Variants in CNGA2 observed in about 807,000 individuals in gnomAD.
The protein encoded by CNGA2 is cyclic nucleotide gated channel subunit alpha 2, also known as cyclic nucleotide-gated channel alpha-2.
CNGA2 carries 22 observed loss-of-function variants against 35.9 expected under a neutral mutation model. The observed-to-expected ratio is 0.61, with a 90% confidence interval of 0.44 to 0.88. The LOEUF is 0.88. CNGA2 is among the 40% of genes least tolerant of loss of function. The probability of loss-of-function intolerance (pLI) is 0.00; values close to 1 mark genes in which losing one functional copy is unlikely to be tolerated. For missense variants in CNGA2, 555 were observed against 530.8 expected (o/e 1.05, Z -0.45); for synonymous variants, 217 against 209.2 (o/e 1.04, Z -0.32).
chrX:151,742,959 T>TATACATAC (rs1569428297), intron 6 of CNGA2, 134 bp from the exon 7 acceptor site: 7 of 75,254 alleles, frequency 9.3e-5, no homozygotes, highest in Non-Finnish European at 1.2e-4. Context: ...TATATATATA[T>TATACATAC]GTATATATAT....
At chrX:151,742,731 C>T (rs2015318487) in intron 6 of CNGA2, 89 bp downstream of exon 6, 5 of 649,357 alleles carry the variant, frequency 7.7e-6, no homozygotes, top group Non-Finnish European at 9.8e-6. Flanking sequence ...GACTAAATTG[C>T]TTGGGTGGGA....
At chrX:151,742,804 C>T (rs1183807304) in intron 6 of CNGA2, among the ~76,000 whole-genome samples, 162 bp downstream of exon 6, 1 of 100,874 alleles carries the variant, frequency 9.9e-6, no homozygotes, top group Non-Finnish European at 2.0e-5. Flanking sequence ...AGGTTTTGAT[C>T]TCGGGGTGTT....
chrX:151,744,394 C>T lies in CNGA2; in HGVS notation c.1891C>T (p.Gln631Ter), dbSNP rs138926894. Reference sequence around the variant, plus strand: ...CACGGGGGCCCAGCAGAAGCTCAAGCAGCGCATCACAGTTCTGGAAACCAA... The same window carrying T: ...CACGGGGGCCCAGCAGAAGCTCAAGTAGCGCATCACAGTTCTGGAAACCAA... Reference protein sequence around the residue: ...EYTGAQQKLKQRITVLETKMK... With the variant: ...EYTGAQQKLK The change falls in exon 7 of 7, where the codon CAG (glutamine) becomes TAG (stop). Residue 631 changes from glutamine to a stop codon, truncating the protein, a stop_gained. Transcript: ENST00000329903. LOFTEE classifies it high-confidence loss of function. 58 of 1,208,474 alleles carry T rather than the reference C, an allele frequency of 4.8e-5. No individual in the cohort carries two copies. The highest frequency in any genetic ancestry group is 6.4e-5 in the Non-Finnish European group (57 of 894,743).
At position 151,744,229 on chromosome X, in the gene CNGA2, G is replaced by T; in HGVS notation, c.1726G>T (p.Glu576Ter). ...AKKVLEERGR[E>*]ILMKEGLLDE... ...GAAAGTCCTAGAAGAGAGGGGTCGG[G>T]AGATCCTCATGAAGGAGGGACTGCT... The change falls in exon 7 of 7, where the codon GAG becomes TAG. Residue 576 changes from glutamate (E) to a stop codon, truncating the protein, a stop_gained. Transcript: ENST00000329903. LOFTEE classifies it high-confidence loss of function. The T allele has an allele frequency of 8.3e-7, 1 of 1,210,919 alleles. No individual in the cohort carries two copies. Among genetic ancestry groups the T allele is most frequent in the Non-Finnish European group, 1.1e-6 (1 of 895,382 alleles).
At chrX:151,740,968 C>A in intron 5 of CNGA2, 67 bp downstream of exon 5, 2 of 814,611 alleles carry the variant, frequency 2.5e-6, no homozygotes, top group Non-Finnish European at 3.7e-6. Context: ...GGATTGACGG[C>A]GCAGCAGTCC....
In CNGA2 at chrX:151,738,538, C is replaced by A; in HGVS notation, c.55C>A (p.His19Asn). 1.7e-6 allele frequency: 2 copies of A among 1,211,766 alleles called. No homozygotes were observed. Among genetic ancestry groups the A allele is most frequent in the Admixed American group, 4.3e-5 (2 of 46,065 alleles). The change falls in exon 2 of 7, where the codon CAT (histidine) becomes AAT (asparagine). Residue 19 changes from histidine (H) to asparagine (N), a missense_variant. Transcript: ENST00000329903. Reference protein sequence around the residue: ...KSSPANNHNHHAPPAIKANGK... With the variant: ...KSSPANNHNHNAPPAIKANGK... ...CTCCCCAGCCAATAATCACAACCAT[C>A]ATGCACCTCCTGCCATCAAGGCCAA...
rs185584985 is a variant in CNGA2 at position 151,744,045 on chromosome X, G to A, written c.1542G>A (p.Ser514=). 6 of 1,209,145 alleles carry A rather than the reference G, an allele frequency of 5.0e-6. No individual in the cohort carries two copies. The highest frequency in any genetic ancestry group is 2.2e-5 in the Admixed American group (1 of 45,622). ...GTGTGACTCAGTATGCTCTGCTGTCGGCTGGAAGCTGCTTTGGCGAGATCA... is the reference window on the plus strand; with the variant it reads ...GTGTGACTCAGTATGCTCTGCTGTCAGCTGGAAGCTGCTTTGGCGAGATCA... ...DDGVTQYALL[S]AGSCFGEISI... The change falls in exon 7 of 7, where the codon TCG becomes TCA. Residue 514 remains serine, a synonymous_variant. Coordinates refer to ENST00000329903, the MANE Select transcript of CNGA2 (RefSeq NM_005140.3).
In CNGA2 at chrX:151,744,026, C is replaced by T. The variant is rs768843324; in HGVS notation, c.1523C>T (p.Thr508Ile). The T allele has an allele frequency of 2.0e-5, 24 of 1,209,199 alleles. No homozygotes were observed. The highest frequency in any genetic ancestry group is 1.3e-5 in the Non-Finnish European group (12 of 895,111). The change falls in exon 7 of 7, where the codon ACT becomes ATT. Residue 508 changes from threonine (T) to isoleucine (I), a missense_variant. Thr to Ile is a moderately conservative substitution (Grantham distance 89, BLOSUM62 -1). Transcript: ENST00000329903. The part of the protein sequence containing the change: ...KLAVVADDGV[T>I]QYALLSAGSC... ...GCAGTGGTGGCTGATGATGGTGTGA[C>T]TCAGTATGCTCTGCTGTCGGCTGGA...
chrX:151,743,956 G>C lies in CNGA2; in HGVS notation c.1453G>C (p.Gly485Arg). The C allele has an allele frequency of 8.3e-7, 1 of 1,211,398 alleles. No homozygotes were observed. Among genetic ancestry groups the C allele is most frequent in the East Asian group, 3.0e-5 (1 of 33,818 alleles). The change falls in exon 7 of 7, where the codon GGG (glycine) becomes CGG (arginine). Residue 485 changes from glycine to arginine, a missense_variant. Transcript: ENST00000329903. ...FSPGDYICRK[G>R]DIGKEMYIIK... Reference sequence around the variant, plus strand: ...TCCTGGGGATTACATTTGCCGCAAAGGGGACATCGGCAAGGAGATGTACAT... The same window carrying C: ...TCCTGGGGATTACATTTGCCGCAAACGGGACATCGGCAAGGAGATGTACAT...
chrX:151,739,189 C>A (rs1415724641), intron 3 of CNGA2, among the ~76,000 whole-genome samples: 1 of 112,532 alleles, frequency 8.9e-6, no homozygotes, highest in African/African-American at 3.2e-5. Flanking sequence ...GTCAGAGGCT[C>A]CATAGGGAAA....
intron 6 of CNGA2, among the ~76,000 whole-genome samples, 151 bp from the exon 7 acceptor site, chrX:151,742,940 ATG>A (rs1213520623): frequency 8.4e-4 from 63 of 74,702 alleles, no homozygotes; most frequent in African/African-American, 3.7e-3. Context: ...ATATATATAT[ATG>A]TATATGTATA....
In CNGA2 at chrX:151,745,359, T is replaced by G. The variant is rs1430113002; in HGVS notation, c.*861T>G. On this transcript the variant is annotated 3_prime_UTR_variant, in exon 7 of 7. Transcript: ENST00000329903. ...CACATTCTCTCCCTCCCTTCATTAA[T>G]CCCTCTCTTTTCACCATATGGTTGT... 1.8e-5 allele frequency: 2 copies of G among 111,957 alleles called. No individual in the cohort carries two copies. Among genetic ancestry groups the G allele is most frequent in the Non-Finnish European group, 3.8e-5 (2 of 53,239 alleles). 9.2% of individuals were successfully genotyped at this position (111,957 alleles called of 1,213,427 possible). A position where few individuals can be genotyped will look rare whatever the true frequency, so the allele number is the denominator to read the frequency against.
intron 4 of CNGA2, among the ~76,000 whole-genome samples, chrX:151,740,191 G>A (rs2124368549): frequency 8.9e-6 from 1 of 112,339 alleles, no homozygotes; most frequent in Non-Finnish European, 1.9e-5. Context: ...GAGCTGGAGG[G>A]TTTGTCTTTT....
At position 151,739,556 on chromosome X, in the gene CNGA2, C is replaced by CT; in HGVS notation, c.204-5dup. The CT allele has an allele frequency of 8.3e-7, 1 of 1,210,164 alleles. No individual in the cohort carries two copies. The highest frequency in any genetic ancestry group is 1.8e-5 in the South Asian group (1 of 56,576). On this transcript the variant is annotated splice_polypyrimidine_tract_variant and splice_region_variant and intron_variant, in intron 3 of 6. Coordinates refer to ENST00000329903, the MANE Select transcript of CNGA2 (RefSeq NM_005140.3). Reference sequence around the variant, plus strand: ...CTGGCTCATACTCTTTTTCTCTCACCTCTAGGATAGTTCGCCTGGTGGGGA... The same window carrying CT: ...CTGGCTCATACTCTTTTTCTCTCACCTTCTAGGATAGTTCGCCTGGTGGGGA...
chrX:151,738,674 C>G, intron 2 of CNGA2, 81 bp downstream of exon 2: 2 of 1,098,356 alleles, frequency 1.8e-6, no homozygotes, highest in South Asian at 2.0e-5. Context: ...AGCAAGCAAT[C>G]TTTGTCTCCA....
chrX:151,738,865 G>A lies in CNGA2; in HGVS notation c.189G>A (p.Arg63=). ...LADVDAPQQG[R]SGFRRIVRLV... is the part of the protein sequence containing the mutation. The stretch of plus-strand genomic sequence containing the variant: ...ACGTGGATGCCCCACAGCAGGGAAG[G>A]AGTGGCTTCCGCAGGTGGGTCCCAC... The change falls in exon 3 of 7, where the codon AGG becomes AGA. Residue 63 remains arginine, a synonymous_variant. Transcript: ENST00000329903. The A allele has an allele frequency of 8.5e-7, 1 of 1,171,527 alleles. No homozygotes were observed. The highest frequency in any genetic ancestry group is 2.5e-5 in the Admixed American group (1 of 39,273).
In CNGA2 at chrX:151,743,671, G is replaced by A. The variant is rs375373217; in HGVS notation, c.1168G>A (p.Asp390Asn). 3.3e-6 allele frequency: 4 copies of A among 1,209,675 alleles called. No individual in the cohort carries two copies. Among genetic ancestry groups the A allele is most frequent in the Middle Eastern group, 2.3e-4 (1 of 4,375 alleles). Residue 390 changes from aspartate (D) to asparagine (N), a missense_variant, in exon 7 of 7, where the codon GAT becomes AAT. Physicochemically the swap from Asp to Asn is conservative, Grantham distance 23 (BLOSUM62 1). Transcript: ENST00000329903. ...ATRAEFQAKI[D>N]AVKHYMQFRK... Reference sequence around the variant, plus strand: ...CCGGGCAGAGTTCCAGGCTAAGATCGATGCCGTGAAACACTACATGCAGTT... The same window carrying A: ...CCGGGCAGAGTTCCAGGCTAAGATCAATGCCGTGAAACACTACATGCAGTT...
rs1199665807 is a variant in CNGA2, at chrX:151,744,495, A to G, written c.1992A>G (p.Pro664=). ...NSPELAAADE[P] is the part of the protein sequence containing the mutation. The stretch of plus-strand genomic sequence containing the variant: ...CTGAGCTGGCTGCTGCTGACGAGCC[A>G]TAAGACCTGGGGCCCAACTGCCTCT... Residue 664 remains proline, a synonymous_variant, in exon 7 of 7, where the codon CCA becomes CCG. Coordinates refer to ENST00000329903, the MANE Select transcript of CNGA2 (RefSeq NM_005140.3). 8.6e-7 allele frequency: 1 copy of G among 1,165,917 alleles called. No homozygotes were observed. Among genetic ancestry groups the G allele is most frequent in the Admixed American group, 2.4e-5 (1 of 41,221 alleles).
intron 2 of CNGA2, 27 bp downstream of exon 2, chrX:151,738,620 T>A (rs745721311): frequency 8.7e-7 from 1 of 1,148,692 alleles, no homozygotes; most frequent in Non-Finnish European, 1.2e-6. Flanking sequence ...TCAGGGAAGG[T>A]ACAGAGGCTG....
Sources: gnomAD v4.1 joint callset for allele counts (sites outside exome capture counted in the v4.1 genomes callset) on GRCh38, gnomAD v4.1.1 for gene constraint, MANE v1.5 for transcripts, NCBI Gene and HGNC (gene_info 2026-07-23, HGNC 2026-07-21) for gene names.